Variants in SLIT3 observed in about 807,000 individuals in gnomAD.
SLIT3 encodes slit guidance ligand 3.
Under a neutral mutation model 184.0 loss-of-function variants are expected in SLIT3, and 68 were observed. The ratio of observed to expected loss-of-function variants is 0.37; its 90% confidence interval spans 0.30 to 0.45. The LOEUF (loss-of-function observed/expected upper bound fraction) is 0.45. Ranked by LOEUF, SLIT3 falls within the 20% of genes least tolerant of loss-of-function variation. SLIT3 has a pLI of 1.00. For synonymous variants in SLIT3, 831 were observed against 828.6 expected (o/e 1.00, Z -0.05); for missense variants, 1,707 against 2,026.0 (o/e 0.84, Z 3.02).
At chr5:168,986,285 G>A (rs979299709) in intron 4 of SLIT3, among the ~76,000 whole-genome samples, 1 of 152,132 alleles carries the variant, frequency 6.6e-6, no homozygotes, top group Non-Finnish European at 1.5e-5. Context: ...AGGCCAAAAG[G>A]GGAGAATTAA....
intron 4 of SLIT3, among the ~76,000 whole-genome samples, chr5:169,188,944 A>G (rs557125461): frequency 4.6e-5 from 7 of 152,118 alleles, no homozygotes; most frequent in African/African-American, 7.2e-5. Context: ...GTGCTGCAAG[A>G]GCCTAGAAAG....
intron 4 of SLIT3, among the ~76,000 whole-genome samples, chr5:169,014,457 G>T (rs1357568492): frequency 6.6e-6 from 1 of 152,196 alleles, no homozygotes; most frequent in East Asian, 1.9e-4. Flanking sequence ...AATAGCCACA[G>T]CCAGGGCTTT....
At chr5:168,668,253 T>C (rs910288619) in intron 35 of SLIT3, among the ~76,000 whole-genome samples, 1 of 152,176 alleles carries the variant, frequency 6.6e-6, no homozygotes, top group Admixed American at 6.5e-5. Context: ...ATGGAGGCTG[T>C]GGAGCAATGC....
chr5:169,105,137 G>A (rs995688588), intron 4 of SLIT3, among the ~76,000 whole-genome samples: 4 of 152,026 alleles, frequency 2.6e-5, no homozygotes, highest in African/African-American at 7.2e-5. Flanking sequence ...CCACAATTTC[G>A]ATTTCCCCTT....
At chr5:168,752,520 A>T (rs1754754054) in intron 18 of SLIT3, 1 of 166,142 alleles carries the variant, frequency 6.0e-6, no homozygotes, top group Non-Finnish European at 1.3e-5. Flanking sequence ...TCAGTCTCCC[A>T]GGTAGCTGGG....
chr5:169,172,913 G>A (rs1042331664), intron 4 of SLIT3, among the ~76,000 whole-genome samples: 1 of 152,294 alleles, frequency 6.6e-6, no homozygotes, highest in East Asian at 1.9e-4. Context: ...GCTAGAAGAA[G>A]TCTTTCTAAT....
At chr5:169,127,091 TC>T (rs1361257838) in intron 4 of SLIT3, among the ~76,000 whole-genome samples, 2 of 152,004 alleles carry the variant, frequency 1.3e-5, no homozygotes, top group Non-Finnish European at 2.9e-5. Context: ...TCTTCTTCCA[TC>T]CCTACAAGGA....
At chr5:168,877,094 G>C (rs1303724915) in intron 5 of SLIT3, among the ~76,000 whole-genome samples, 1 of 152,154 alleles carries the variant, frequency 6.6e-6, no homozygotes, top group Non-Finnish European at 1.5e-5. Flanking sequence ...GAAACAGGCA[G>C]GATATCTGTG....
chr5:168,778,433 A>G (rs1755838959), intron 12 of SLIT3, among the ~76,000 whole-genome samples: 1 of 152,114 alleles, frequency 6.6e-6, no homozygotes, highest in East Asian at 1.9e-4. Flanking sequence ...CCTTCACTGT[A>G]CCTGGGTATG....
At chr5:169,049,462 C>T (rs1460348333) in intron 4 of SLIT3, among the ~76,000 whole-genome samples, 1 of 152,142 alleles carries the variant, frequency 6.6e-6, no homozygotes, top group Admixed American at 6.5e-5. Flanking sequence ...AACGTCTCTC[C>T]TGCCCACCTT....
intron 3 of SLIT3, among the ~76,000 whole-genome samples, chr5:169,206,655 T>C (rs1238885566): frequency 2.0e-5 from 3 of 152,230 alleles, no homozygotes; most frequent in African/African-American, 7.2e-5. Context: ...AATTTCTCTT[T>C]CATTTTTGTT....
At chr5:168,864,938 C>T (rs868356704) in intron 5 of SLIT3, among the ~76,000 whole-genome samples, 10 of 152,188 alleles carry the variant, frequency 6.6e-5, no homozygotes, top group Middle Eastern at 3.4e-3. Context: ...GAGACCGAGG[C>T]GGGTGGATCA....
At chr5:168,997,398 T>C (rs982704818) in intron 4 of SLIT3, among the ~76,000 whole-genome samples, 1 of 152,132 alleles carries the variant, frequency 6.6e-6, no homozygotes, top group East Asian at 1.9e-4. Flanking sequence ...GATTTGGGGT[T>C]CTGGGTTTGT....
At chr5:169,247,668 T>C (rs150345935) in intron 2 of SLIT3, among the ~76,000 whole-genome samples, 3 of 152,304 alleles carry the variant, frequency 2.0e-5, no homozygotes, top group African/African-American at 7.2e-5. Flanking sequence ...CAAGAAGTTT[T>C]TTTTTTCCCT....
At chr5:168,809,729 T>C (rs747491839) in intron 8 of SLIT3, among the ~76,000 whole-genome samples, 3 of 152,184 alleles carry the variant, frequency 2.0e-5, no homozygotes, top group Non-Finnish European at 4.4e-5. Flanking sequence ...CCCATAAGCA[T>C]ACCTTGGCTA....
chr5:168,859,074 T>A (rs1759008734), intron 5 of SLIT3, among the ~76,000 whole-genome samples: 1 of 152,188 alleles, frequency 6.6e-6, no homozygotes, highest in Admixed American at 6.5e-5. Flanking sequence ...GGTTGGATAA[T>A]CAGCACTAAC....
intron 4 of SLIT3, among the ~76,000 whole-genome samples, chr5:168,906,804 A>G (rs1761069023): frequency 6.6e-6 from 1 of 152,096 alleles, no homozygotes; most frequent in African/African-American, 2.4e-5. Context: ...GTATTTTTGA[A>G]GTGCCCTTTG....
chr5:169,140,480 C>CAAAAAAAAAAAAAAAA, intron 4 of SLIT3, among the ~76,000 whole-genome samples: 1 of 46,924 alleles, frequency 2.1e-5, no homozygotes, highest in Non-Finnish European at 4.9e-5. Flanking sequence ...AACTCTAACT[C>CAAAAAAAAAAAAAAAA]AAAAAAAAAA....
In SLIT3 at chr5:168,774,347, G is replaced by A. The variant is rs775102339; in HGVS notation, c.1183C>T (p.Arg395Trp). The A allele has an allele frequency of 7.7e-5, 125 of 1,613,470 alleles. No homozygotes were observed. Among genetic ancestry groups the A allele is most frequent in the South Asian group, 2.9e-4 (26 of 90,976 alleles). Residue 395 changes from arginine to tryptophan, a missense_variant, in exon 13 of 36, where the codon CGG (arginine) becomes TGG (tryptophan). By Grantham distance (101) the Arg-to-Trp change is moderately radical. Transcript: ENST00000519560. ...TGCAGGTCCTGAAACGTGTTCACCC[G>A]CAGGCAGTTGATCTTGTTGGCATTG... ...LLNANKINCLRVNTFQDLQNL... is the reference protein window; with the variant it reads ...LLNANKINCLWVNTFQDLQNL...
Sources: allele counts gnomAD v4.1 joint callset (sites outside exome capture counted in the v4.1 genomes callset), GRCh38; gene constraint gnomAD v4.1.1; transcripts MANE v1.5; gene names NCBI Gene and HGNC (gene_info 2026-07-23, HGNC 2026-07-21).